The following HPGDS variants were observed in gnomAD, a reference collection of about 807,000 sequenced individuals.
HPGDS encodes the protein GST class-sigma.
In HPGDS, 26 loss-of-function variants were observed where a neutral mutation model predicts 23.1. That is an observed-to-expected ratio of 1.13 (90% CI 0.83 to 1.56). The LOEUF (loss-of-function observed/expected upper bound fraction) is 1.56, where lower values mean the gene tolerates loss of function less well. Ranked by LOEUF, HPGDS falls within the 40% of genes most tolerant of loss-of-function variation. The pLI, the probability that HPGDS is intolerant of heterozygous loss-of-function variation, is 0.00. For synonymous variants in HPGDS, 95 were observed against 77.9 expected, an observed-to-expected ratio of 1.22 and a Z score of -1.16; for missense variants, 268 against 236.4, an observed-to-expected ratio of 1.13 and a Z score of -0.88.
intron 1 of HPGDS, among the ~76,000 whole-genome samples, chr4:94,340,268 T>TCTTTCTTTCTTC (rs1721112420): frequency 2.3e-5 from 1 of 44,342 alleles, no homozygotes; most frequent in African/African-American, 7.7e-5. Flanking sequence ...AACCTTTCTT[T>TCTTTCTTTCTTC]CTTTCTTTCT....
At chr4:94,317,767 T>G (rs1326024070) in intron 3 of HPGDS, 106 bp downstream of exon 3, 3 of 617,030 alleles carry the variant, frequency 4.9e-6, no homozygotes, top group Non-Finnish European at 8.3e-6. Flanking sequence ...AATTCCATTC[T>G]TATTTGTACT....
intron 3 of HPGDS, 66 bp downstream of exon 3, chr4:94,317,807 A>T: frequency 2.2e-6 from 2 of 889,994 alleles, no homozygotes; most frequent in Non-Finnish European, 3.7e-6. Context: ...TCATTTAATG[A>T]ATATTGAATA....
At chr4:94,331,414 G>A (rs554147098) in intron 2 of HPGDS, among the ~76,000 whole-genome samples, 1 of 150,906 alleles carries the variant, frequency 6.6e-6, no homozygotes, top group East Asian at 2.0e-4. Context: ...TATGTTTTCT[G>A]TTAGATTTTT....
chr4:94,301,518 A>G (rs186619113), intron 5 of HPGDS, among the ~76,000 whole-genome samples: 10 of 152,318 alleles, frequency 6.6e-5, no homozygotes, highest in Non-Finnish European at 7.3e-5. Context: ...CTGATATAAA[A>G]TACATATGAG....
chr4:94,342,137 CT>C (rs1420968963), intron 1 of HPGDS, among the ~76,000 whole-genome samples: 1 of 142,666 alleles, frequency 7.0e-6, no homozygotes, highest in Non-Finnish European at 1.5e-5. Flanking sequence ...GCTGAAAGCT[CT>C]ATTTTTTTTT....
chr4:94,301,779 G>A (rs1047914056), intron 5 of HPGDS, among the ~76,000 whole-genome samples: 5 of 152,058 alleles, frequency 3.3e-5, no homozygotes, highest in Non-Finnish European at 7.4e-5. Flanking sequence ...AGAGATATCT[G>A]TCTTAGATGT....
rs781532046 is a variant in HPGDS at position 94,340,305 on chromosome 4, C to CTTTT, written c.-10+2489_-10+2490insAAAA. 1.9e-4 allele frequency among the ~76,000 whole-genome samples: 5 copies of CTTTT among 26,200 alleles called. 1 individual carries two copies. Among genetic ancestry groups the CTTTT allele is most frequent in the African/African-American group, 7.3e-4 (5 of 6,846 alleles). 17.2% of individuals were successfully genotyped at this position (26,200 alleles called of 152,430 possible). A position where few individuals can be genotyped will look rare whatever the true frequency, so the allele number is the denominator to read the frequency against. On this transcript the variant is annotated intron_variant, in intron 1 of 5. Coordinates refer to ENST00000295256, the MANE Select transcript of HPGDS (RefSeq NM_014485.3). Reference sequence around the variant, plus strand: ...TCTTTCTTTCTTTCTTTCTTTCTTTCTTTCTCTTTTTTTTTTTTTTTTTTT... The same window carrying CTTTT: ...TCTTTCTTTCTTTCTTTCTTTCTTTCTTTTTTTCTCTTTTTTTTTTTTTTTTTTT...
intron 3 of HPGDS, among the ~76,000 whole-genome samples, chr4:94,311,234 T>G (rs981666198): frequency 1.3e-5 from 2 of 152,042 alleles, no homozygotes; most frequent in African/African-American, 4.8e-5. Flanking sequence ...AGGGAATGCT[T>G]CCAGTTTTTG....
At chr4:94,340,650 CTTTTTTTTTTTTT>C (rs35678433) in intron 1 of HPGDS, among the ~76,000 whole-genome samples, 2 of 22,462 alleles carry the variant, frequency 8.9e-5, no homozygotes, top group Non-Finnish European at 1.5e-4. Context: ...GCCCCCCTCC[CTTTTTTTTTTTTT>C]TTTTTTTTTT....
intron 1 of HPGDS, among the ~76,000 whole-genome samples, chr4:94,339,314 T>C (rs1382893374): frequency 3.9e-5 from 6 of 152,238 alleles, no homozygotes; most frequent in Non-Finnish European, 8.8e-5. Context: ...CCTGAAATGA[T>C]ACAGAAGCCT....
intron 2 of HPGDS, among the ~76,000 whole-genome samples, chr4:94,333,902 G>A (rs1253931837): frequency 6.6e-6 from 1 of 152,094 alleles, no homozygotes; most frequent in Non-Finnish European, 1.5e-5. Flanking sequence ...AGAAACATTT[G>A]GATATTAATG....
At chr4:94,333,215 C>T (rs183507000) in intron 2 of HPGDS, among the ~76,000 whole-genome samples, 1 of 152,260 alleles carries the variant, frequency 6.6e-6, no homozygotes, top group African/African-American at 2.4e-5. Flanking sequence ...TTAGTAGTAC[C>T]TGTTCTTTCC....
chr4:94,299,569 G>T lies in HPGDS; in HGVS notation c.511C>A (p.His171Asn), dbSNP rs946542054. The change falls in exon 6 of 6, where the codon CAT becomes AAT. Residue 171 changes from histidine to asparagine, a missense_variant. By Grantham distance (68) the His-to-Asn change is moderately conservative. Transcript: ENST00000295256. Reference sequence around the variant, plus strand: ...TTCCGTAAAGTCACCAGCCTTGGATGGTTGTCTAACAGGTCAGGCTTAAAG... The same window carrying T: ...TTCCGTAAAGTCACCAGCCTTGGATTGTTGTCTAACAGGTCAGGCTTAAAG... ...LVFKPDLLDN[H>N]PRLVTLRKKV... The T allele has an allele frequency of 9.9e-6, 16 of 1,613,928 alleles. No homozygotes were observed. The highest frequency in any genetic ancestry group is 1.3e-5 in the African/African-American group (1 of 74,890).
intron 4 of HPGDS, among the ~76,000 whole-genome samples, chr4:94,308,187 G>C (rs1015103448): frequency 3.3e-5 from 5 of 152,106 alleles, no homozygotes; most frequent in Non-Finnish European, 7.4e-5. Flanking sequence ...TTGCACATTT[G>C]CTAAAGTTTG....
At chr4:94,301,063 G>A (rs1426726131) in intron 5 of HPGDS, among the ~76,000 whole-genome samples, 2 of 152,132 alleles carry the variant, frequency 1.3e-5, no homozygotes, top group South Asian at 2.1e-4. Context: ...GAGCATTTTA[G>A]TAAAGGCTAT....
In HPGDS at chr4:94,330,208, G is replaced by C. The variant is rs534505273; in HGVS notation, c.133+4289C>G. Among the ~76,000 whole-genome samples, 15 of 152,316 alleles carry C rather than the reference G, an allele frequency of 9.8e-5. No homozygotes were observed. In the South Asian group the frequency reaches 2.9e-3, roughly 29 times the overall value. On this transcript the variant is annotated intron_variant, in intron 2 of 5. Coordinates refer to ENST00000295256, the MANE Select transcript of HPGDS (RefSeq NM_014485.3). Reference sequence around the variant, plus strand: ...TGTGATTGTAAAATTGTAAATCACAGATGGTCCAGGGAAGAATGGCATCTA... The same window carrying C: ...TGTGATTGTAAAATTGTAAATCACACATGGTCCAGGGAAGAATGGCATCTA...
intron 3 of HPGDS, among the ~76,000 whole-genome samples, chr4:94,316,001 C>T (rs189162351): frequency 7.1e-4 from 108 of 152,278 alleles, no homozygotes; most frequent in Non-Finnish European, 1.3e-3. Flanking sequence ...TCCTCAAATG[C>T]AGTCATCACA....
chr4:94,321,116 G>A (rs983205368), intron 2 of HPGDS, among the ~76,000 whole-genome samples: 16 of 151,736 alleles, frequency 1.1e-4, no homozygotes, highest in Admixed American at 4.6e-4. Flanking sequence ...TGTTCCATTG[G>A]TCTATATCTC....
intron 2 of HPGDS, among the ~76,000 whole-genome samples, chr4:94,331,157 T>C (rs1175750131): frequency 6.6e-6 from 1 of 152,216 alleles, no homozygotes; most frequent in African/African-American, 2.4e-5. Context: ...TGCATATTCC[T>C]AAGTTAGGTT....
Sources: allele counts gnomAD v4.1 joint callset (sites outside exome capture counted in the v4.1 genomes callset), GRCh38; gene constraint gnomAD v4.1.1; transcripts MANE v1.5; gene names NCBI Gene and HGNC (gene_info 2026-07-23, HGNC 2026-07-21).